The following LCOR variants were observed in gnomAD, a reference collection of about 807,000 sequenced individuals.
LCOR encodes the protein ligand-dependent corepressor.
Under a neutral mutation model 64.4 loss-of-function variants are expected in LCOR, and 14 were observed. The observed-to-expected ratio is 0.22, with a 90% CI of 0.14 to 0.34. LCOR has a LOEUF of 0.34. LCOR is among the 10% of genes least tolerant of loss of function. LCOR has a pLI of 1.00. For missense variants in LCOR, 1,686 were observed against 1,765.3 expected (o/e 0.96, Z 0.80); for synonymous variants, 643 against 642.5 (o/e 1.00, Z -0.01).
At chr10:96,975,603 TA>T (rs1848032558) in intron 7 of LCOR, among the ~76,000 whole-genome samples, 1 of 151,404 alleles carries the variant, frequency 6.6e-6, no homozygotes, top group South Asian at 2.1e-4. Flanking sequence ...TCTTTTTTGC[TA>T]AGAGAAAACA....
intron 2 of LCOR, among the ~76,000 whole-genome samples, chr10:96,895,641 A>AT (rs1431555118): frequency 3.3e-5 from 5 of 152,144 alleles, no homozygotes; most frequent in African/African-American, 1.2e-4. Context: ...CTCTTACCTT[A>AT]TCTTGTACTT....
chr10:96,977,059 C>T (rs756635835), intron 7 of LCOR, among the ~76,000 whole-genome samples: 17 of 137,066 alleles, frequency 1.2e-4, no homozygotes, highest in Non-Finnish European at 2.4e-4. Context: ...TGAAAAGGCA[C>T]CCACTTATTT....
intron 4 of LCOR, among the ~76,000 whole-genome samples, chr10:96,941,636 C>T (rs1326993305): frequency 2.0e-5 from 3 of 149,864 alleles, no homozygotes; most frequent in African/African-American, 7.4e-5. Flanking sequence ...GGGCTCCTCA[C>T]TTCCCAGACG....
chr10:96,905,454 A>AG (rs1456123636), intron 2 of LCOR, among the ~76,000 whole-genome samples: 8 of 152,110 alleles, frequency 5.3e-5, no homozygotes, highest in Non-Finnish European at 8.8e-5. Flanking sequence ...GAGGGCAGGT[A>AG]GGGGGGCTTT....
At position 96,981,700 on chromosome 10, in the gene LCOR, G is replaced by A. The variant is rs954436386; in HGVS notation, c.1240G>A (p.Gly414Ser). 3.2e-5 allele frequency: 51 copies of A among 1,614,038 alleles called. No homozygotes were observed. The highest frequency in any genetic ancestry group is 4.2e-5 in the Non-Finnish European group (49 of 1,180,040). The change falls in exon 8 of 8, where the codon GGC becomes AGC. Residue 414 changes from glycine (G) to serine (S), a missense_variant. By Grantham distance (56) the Gly-to-Ser change is moderately conservative. Around this residue, in one of 3 missense-constraint regions of LCOR, gnomAD observed 1,293 missense variants for 1,410.4 expected, o/e 0.92. Transcript: ENST00000421806. ...VGYHLHPSDK[G>S]QFDHSKDGWL... The stretch of plus-strand genomic sequence containing the variant: ...TTACCATTTACATCCCAGTGATAAG[G>A]GCCAGTTTGATCATTCCAAAGATGG...
intron 2 of LCOR, among the ~76,000 whole-genome samples, chr10:96,900,020 T>G (rs980120793): frequency 1.3e-5 from 2 of 152,184 alleles, no homozygotes; most frequent in Admixed American, 6.5e-5. Context: ...ATCACCACCA[T>G]CTAATTTTAG....
intron 2 of LCOR, among the ~76,000 whole-genome samples, chr10:96,874,602 A>C (rs1446679316): frequency 6.6e-6 from 1 of 151,288 alleles, no homozygotes; most frequent in African/African-American, 2.4e-5. Context: ...TAGACCATGT[A>C]CTCTACCTCT....
intron 7 of LCOR, among the ~76,000 whole-genome samples, chr10:96,954,437 A>G (rs1847731721): frequency 6.8e-6 from 1 of 146,700 alleles, no homozygotes; most frequent in Non-Finnish European, 1.5e-5. Flanking sequence ...GGGATAAATG[A>G]GCAATTATTT....
chr10:96,855,903 G>A (rs188529674), intron 2 of LCOR, among the ~76,000 whole-genome samples: 18 of 150,602 alleles, frequency 1.2e-4, no homozygotes, highest in South Asian at 8.4e-4. Context: ...CACCATGCCC[G>A]GCTAATTTTG....
intron 5 of LCOR, among the ~76,000 whole-genome samples, chr10:96,947,138 T>C (rs1043114312): frequency 5.9e-5 from 9 of 152,080 alleles, no homozygotes; most frequent in Non-Finnish European, 1.5e-5. Flanking sequence ...TGAGGAACCA[T>C]TTTCAGTAAC....
In LCOR at chr10:96,982,538, C is replaced by G; in HGVS notation, c.2078C>G (p.Pro693Arg). 1 of 1,614,164 alleles carries G rather than the reference C, an allele frequency of 6.2e-7. No individual in the cohort carries two copies. The highest frequency in any genetic ancestry group is 8.5e-7 in the Non-Finnish European group (1 of 1,180,044). Residue 693 changes from proline to arginine, a missense_variant, in exon 8 of 8, where the codon CCT becomes CGT. Coordinates refer to ENST00000421806, the MANE Select transcript of LCOR (RefSeq NM_001346516.2). Reference sequence around the variant, plus strand: ...GTCATTTCTAGGCCTCATTCTCCTCCTGAAATAGTCAGTAGAGAAGAAAGT... The same window carrying G: ...GTCATTTCTAGGCCTCATTCTCCTCGTGAAATAGTCAGTAGAGAAGAAAGT... ...EDVISRPHSPPEIVSREESPQ... is the reference protein window; with the variant it reads ...EDVISRPHSPREIVSREESPQ...
intron 2 of LCOR, among the ~76,000 whole-genome samples, chr10:96,842,763 C>T (rs1484216274): frequency 3.3e-5 from 5 of 151,264 alleles, no homozygotes; most frequent in Non-Finnish European, 5.9e-5. Context: ...TCCGAGTAGC[C>T]GGGATTACAG....
At chr10:96,915,515 G>A (rs1225779130) in intron 4 of LCOR, 17 of 469,598 alleles carry the variant, frequency 3.6e-5, no homozygotes, top group Middle Eastern at 6.6e-4. Flanking sequence ...GTGAGACTCC[G>A]TCTCCTAAAT....
chr10:96,871,583 T>A (rs12358631), intron 2 of LCOR, among the ~76,000 whole-genome samples: 743 of 151,518 alleles, frequency 4.9e-3, no homozygotes, highest in Non-Finnish European at 8.1e-3. Context: ...TGGCTAATTT[T>A]TTTTTTTTTT....
intron 7 of LCOR, among the ~76,000 whole-genome samples, chr10:96,975,971 C>T (rs758617914): frequency 2.6e-5 from 4 of 152,080 alleles, no homozygotes; most frequent in Admixed American, 6.5e-5. Context: ...GCCAAGATCA[C>T]GCCATTGCAC....
intron 7 of LCOR, among the ~76,000 whole-genome samples, chr10:96,977,611 T>C (rs1443670639): frequency 6.6e-6 from 1 of 152,204 alleles, no homozygotes; most frequent in African/African-American, 2.4e-5. Context: ...ATCCAGAAAA[T>C]GTACCCCTTT....
chr10:96,872,258 G>A (rs1400467657), intron 2 of LCOR, among the ~76,000 whole-genome samples: 1 of 152,184 alleles, frequency 6.6e-6, no homozygotes, highest in Non-Finnish European at 1.5e-5. Context: ...CTGAACCTGT[G>A]GAAATTTCAA....
At chr10:96,971,560 T>C (rs116158900) in intron 7 of LCOR, among the ~76,000 whole-genome samples, 1 of 151,552 alleles carries the variant, frequency 6.6e-6, no homozygotes, top group African/African-American at 2.4e-5. Context: ...ACTGTGAGAG[T>C]AGAGGAGAAA....
In LCOR at chr10:96,982,920, A is replaced by C; in HGVS notation, c.2460A>C (p.Gln820His). Residue 820 changes from glutamine to histidine, a missense_variant, in exon 8 of 8, where the codon CAA (glutamine) becomes CAC (histidine). By Grantham distance (24) the Gln-to-His change is conservative. Around this residue, in one of 3 missense-constraint regions of LCOR, gnomAD observed 1,293 missense variants for 1,410.4 expected, o/e 0.92. Transcript: ENST00000421806. ...CCTCTGATAGGTGCCTAAGAAGTCA[A>C]CTTTCGGATTCTTCCTCTGCTGACA... ...PEASDRCLRS[Q>H]LSDSSSADRC... 1.2e-6 allele frequency: 2 copies of C among 1,613,706 alleles called. No homozygotes were observed. Among genetic ancestry groups the C allele is most frequent in the East Asian group, 2.2e-5 (1 of 44,880 alleles).
Sources: gnomAD v4.1 joint callset for allele counts (sites outside exome capture counted in the v4.1 genomes callset) on GRCh38, gnomAD v4.1.1 for gene constraint, gnomAD v4.1.1 regional missense constraint, MANE v1.5 for transcripts, NCBI Gene and HGNC (gene_info 2026-07-23, HGNC 2026-07-21) for gene names.